The following CHRNA9 variants were observed in gnomAD, a reference collection of about 807,000 sequenced individuals.
The protein encoded by CHRNA9 is neuronal acetylcholine receptor subunit alpha-9.
Under a neutral mutation model 36.8 loss-of-function variants are expected in CHRNA9, and 24 were observed. The ratio of observed to expected loss-of-function variants is 0.65; its 90% CI spans 0.47 to 0.92. The LOEUF is 0.92. Among genes scored for constraint, CHRNA9 ranks in the 40% least tolerant of loss-of-function variants. CHRNA9 has a pLI of 0.00. For synonymous variants in CHRNA9, 231 were observed against 231.8 expected, an observed-to-expected ratio of 1.00 and a Z score of 0.03; for missense variants, 610 against 601.2, an observed-to-expected ratio of 1.01 and a Z score of -0.15.
intron 3 of CHRNA9, among the ~76,000 whole-genome samples, chr4:40,341,668 G>A (rs576691597): frequency 1.3e-5 from 2 of 152,158 alleles, no homozygotes; most frequent in Non-Finnish European, 2.9e-5. Flanking sequence ...CTGCCTACTC[G>A]AGCCCATACC....
At chr4:40,335,606 G>A (rs1712293631) in intron 1 of CHRNA9, 75 bp downstream of exon 1, 11 of 1,233,770 alleles carry the variant, frequency 8.9e-6, no homozygotes, top group Admixed American at 1.7e-5. Flanking sequence ...GGGCAGGACA[G>A]GGAAGACAAA....
chr4:40,349,257 A>G lies in CHRNA9; in HGVS notation c.741A>G (p.Pro247=), dbSNP rs898317909. 3 of 1,613,988 alleles carry G rather than the reference A, an allele frequency of 1.9e-6. No individual in the cohort carries two copies. In the African/African-American group the frequency reaches 4.0e-5, roughly 22 times the overall value. Residue 247 remains proline, a synonymous_variant, in exon 4 of 5, where the codon CCA becomes CCG. Transcript: ENST00000310169. ...TCTATATCGTCAACCTCCTCATCCC[A>G]TGCGTCCTCATATCTTTTCTGGCTC... ...SSFYIVNLLI[P]CVLISFLAPL...
chr4:40,345,496 G>A (rs749531637), intron 3 of CHRNA9, among the ~76,000 whole-genome samples: 3 of 152,146 alleles, frequency 2.0e-5, no homozygotes, highest in Non-Finnish European at 4.4e-5. Flanking sequence ...CAGATTACCT[G>A]AGGTCAGGAG....
At chr4:40,336,684 G>A (rs570010489) in intron 2 of CHRNA9, among the ~76,000 whole-genome samples, 20 of 152,084 alleles carry the variant, frequency 1.3e-4, no homozygotes, top group Middle Eastern at 3.4e-3. Flanking sequence ...GTTTTACCGT[G>A]TTAGTCAGGA....
chr4:40,349,078 G>A lies in CHRNA9; in HGVS notation c.562G>A (p.Ala188Thr), dbSNP rs145136745. The stretch of plus-strand genomic sequence containing the variant: ...TGGCAATCAGGTGGACATATTCAAC[G>A]CCTTGGACAGCGGAGATCTCTCTGA... ...YNGNQVDIFNALDSGDLSDFI... is the reference protein window; with the variant it reads ...YNGNQVDIFNTLDSGDLSDFI... Residue 188 changes from alanine to threonine, a missense_variant, in exon 4 of 5, where the codon GCC becomes ACC. Ala to Thr is a moderately conservative substitution (Grantham distance 58, BLOSUM62 0). Coordinates refer to ENST00000310169, the MANE Select transcript of CHRNA9 (RefSeq NM_017581.4). The A allele has an allele frequency of 6.2e-6, 10 of 1,614,020 alleles. No homozygotes were observed. The African/African-American group carries it at 6.7e-5, about 11-fold the overall frequency.
intron 4 of CHRNA9, among the ~76,000 whole-genome samples, chr4:40,350,558 A>T (rs1285034497): frequency 6.6e-6 from 1 of 152,178 alleles, no homozygotes; most frequent in African/African-American, 2.4e-5. Flanking sequence ...ACACCAACGA[A>T]CTTAGAGTCC....
intron 3 of CHRNA9, among the ~76,000 whole-genome samples, chr4:40,343,493 G>A (rs898415648): frequency 5.3e-5 from 8 of 152,016 alleles, no homozygotes; most frequent in South Asian, 2.1e-4. Context: ...GAAAAAACCC[G>A]CCCCCATGAT....
At chr4:40,342,132 A>C (rs534672372) in intron 3 of CHRNA9, among the ~76,000 whole-genome samples, 1 of 152,322 alleles carries the variant, frequency 6.6e-6, no homozygotes, top group South Asian at 2.1e-4. Context: ...TATTCAAAAG[A>C]ATTTGTCTAG....
At chr4:40,353,903 CTGT>C (rs1383440967) in intron 4 of CHRNA9, 73 bp from the exon 5 acceptor site, 1 of 1,281,310 alleles carries the variant, frequency 7.8e-7, no homozygotes, top group African/African-American at 1.5e-5. Flanking sequence ...GAATGTATCC[CTGT>C]TGTTAAGTGA....
intron 3 of CHRNA9, among the ~76,000 whole-genome samples, chr4:40,341,278 T>TTTTTTGTTTTTTG (rs1560316033): frequency 1.3e-5 from 2 of 151,890 alleles, no homozygotes; most frequent in African/African-American, 4.8e-5. Context: ...GGTCAGGTTT[T>TTTTTTGTTTTTTG]TTTTTTTGTT....
At position 40,354,255 on chromosome 4, in the gene CHRNA9, G is replaced by A; in HGVS notation, c.1175G>A (p.Arg392Lys). The A allele has an allele frequency of 6.2e-7, 1 of 1,614,198 alleles. No individual in the cohort carries two copies. Among genetic ancestry groups the A allele is most frequent in the Non-Finnish European group, 8.5e-7 (1 of 1,180,040 alleles). Reference sequence around the variant, plus strand: ...GCAGCCAGGAACAAAGACCTTTCCAGAAAGAAGGACATGAACAAACGCTTA... The same window carrying A: ...GCAGCCAGGAACAAAGACCTTTCCAAAAAGAAGGACATGAACAAACGCTTA... The part of the protein sequence containing the change: ...LKAARNKDLS[R>K]KKDMNKRLKN... Residue 392 changes from arginine to lysine, a missense_variant, in exon 5 of 5, where the codon AGA becomes AAA. Coordinates refer to ENST00000310169, the MANE Select transcript of CHRNA9 (RefSeq NM_017581.4).
intron 3 of CHRNA9, 135 bp downstream of exon 3, chr4:40,337,499 T>A: frequency 1.0e-6 from 1 of 1,001,498 alleles, no homozygotes; most frequent in Admixed American, 3.0e-5. Flanking sequence ...CTTACTGAAA[T>A]AAGAGACATA....
At chr4:40,338,945 C>T (rs182354695) in intron 3 of CHRNA9, among the ~76,000 whole-genome samples, 5 of 152,220 alleles carry the variant, frequency 3.3e-5, no homozygotes, top group Admixed American at 3.3e-4. Context: ...CATTACCACA[C>T]TCTCGTCTGC....
intron 3 of CHRNA9, among the ~76,000 whole-genome samples, chr4:40,341,117 G>A (rs1389677606): frequency 6.6e-6 from 1 of 152,110 alleles, no homozygotes; most frequent in East Asian, 1.9e-4. Context: ...ATGAATTGGG[G>A]CTCAAAGTTC....
rs1712727723 is a variant in CHRNA9 at position 40,349,263 on chromosome 4, C to T, written c.747C>T (p.Val249=). 2 of 1,614,030 alleles carry T rather than the reference C, an allele frequency of 1.2e-6. No individual in the cohort carries two copies. Among genetic ancestry groups the T allele is most frequent in the African/African-American group, 1.3e-5 (1 of 74,896 alleles). Residue 249 remains valine (V), a synonymous_variant, in exon 4 of 5, where the codon GTC becomes GTT. Coordinates refer to ENST00000310169, the MANE Select transcript of CHRNA9 (RefSeq NM_017581.4). ...FYIVNLLIPC[V]LISFLAPLSF... ...TCGTCAACCTCCTCATCCCATGCGT[C>T]CTCATATCTTTTCTGGCTCCTCTGA...
intron 4 of CHRNA9, 119 bp downstream of exon 4, chr4:40,349,533 C>G (rs1461559439): frequency 2.0e-6 from 2 of 984,150 alleles, no homozygotes; most frequent in African/African-American, 3.3e-5. Flanking sequence ...TCAATACAGA[C>G]TGTCTCAAAT....
intron 3 of CHRNA9, among the ~76,000 whole-genome samples, chr4:40,343,256 A>G (rs539600687): frequency 1.3e-5 from 2 of 152,338 alleles, no homozygotes; most frequent in African/African-American, 4.8e-5. Context: ...GTCTGTTTTC[A>G]TGTTGCTAAT....
In CHRNA9 at chr4:40,354,705, T is replaced by G. The variant is rs1052918557; in HGVS notation, c.*185T>G. On this transcript the variant is annotated 3_prime_UTR_variant, in exon 5 of 5. Transcript: ENST00000310169. ...TTAAATTAAGCAGAAGAACCAAAAT[T>G]TCAAGGGTAGGAAGATGGAAGAAAT... is the stretch of plus-strand genomic sequence containing the variant. The G allele has an allele frequency of 1.4e-5, 8 of 570,580 alleles. No homozygotes were observed. The African/African-American group carries it at 1.5e-4, about 11-fold the overall frequency. The allele number at this position is 570,580 out of a possible 1,614,324, so 35.3% of individuals were successfully genotyped here.
chr4:40,345,523 TA>T (rs1712615112), intron 3 of CHRNA9, among the ~76,000 whole-genome samples: 1 of 148,904 alleles, frequency 6.7e-6, no homozygotes, highest in Non-Finnish European at 1.5e-5. Flanking sequence ...ATCAGCCTGG[TA>T]AAAATGGTGA....
Sources: gnomAD v4.1 joint callset for allele counts (sites outside exome capture counted in the v4.1 genomes callset) on GRCh38, gnomAD v4.1.1 for gene constraint, MANE v1.5 for transcripts, NCBI Gene and HGNC (gene_info 2026-07-23, HGNC 2026-07-21) for gene names.